UGT2B4: variants seen among roughly 807,000 people sequenced by gnomAD.
UGT2B4 encodes UDP glucuronosyltransferase family 2 member B4.
Under a neutral mutation model 49.8 loss-of-function variants are expected in UGT2B4, and 49 were observed. The observed-to-expected ratio is 0.98, with a 90% CI of 0.78 to 1.25. UGT2B4 has a LOEUF of 1.25. Ranked by LOEUF, UGT2B4 falls within the 50% of genes most tolerant of loss-of-function variation. The pLI, the probability that UGT2B4 is intolerant of heterozygous loss-of-function variation, is 0.00. For synonymous variants in UGT2B4, 246 were observed against 217.7 expected (o/e 1.13, Z -1.14); for missense variants, 729 against 627.7 (o/e 1.16, Z -1.73).
intron 1 of UGT2B4, among the ~76,000 whole-genome samples, chr4:69,512,554 T>A (rs1319136438): frequency 6.6e-6 from 1 of 152,180 alleles, no homozygotes; most frequent in East Asian, 1.9e-4. Flanking sequence ...GCTTTGTGAC[T>A]TAACGTGTAT....
At chr4:69,517,268 T>C (rs1044575947) in intron 1 of UGT2B4, among the ~76,000 whole-genome samples, 5 of 152,154 alleles carry the variant, frequency 3.3e-5, no homozygotes, top group African/African-American at 9.7e-5. Flanking sequence ...CTGGGAAATA[T>C]TTCAATATAA....
At chr4:69,493,932 A>C (rs1728070939) in intron 1 of UGT2B4, 91 bp from the exon 2 acceptor site, 2 of 1,435,690 alleles carry the variant, frequency 1.4e-6, no homozygotes, top group Non-Finnish European at 1.9e-6. Context: ...GTGGGCAAAA[A>C]TGTAGGCAAA....
At chr4:69,510,681 C>A (rs1728583285) in intron 1 of UGT2B4, among the ~76,000 whole-genome samples, 1 of 151,806 alleles carries the variant, frequency 6.6e-6, no homozygotes, top group South Asian at 2.1e-4. Context: ...ATTTTGTATT[C>A]TGCAAATTTA....
At chr4:69,485,049 T>G (rs915847172) in intron 5 of UGT2B4, among the ~76,000 whole-genome samples, 159 bp downstream of exon 5, 2 of 152,158 alleles carry the variant, frequency 1.3e-5, no homozygotes, top group African/African-American at 4.8e-5. Context: ...AAATAAAATT[T>G]TTAAATAACC....
At position 69,493,789 on chromosome 4, in the gene UGT2B4, A is replaced by T. The variant is rs1728064792; in HGVS notation, c.774T>A (p.Ile258=). 6.2e-7 allele frequency: 1 copy of T among 1,609,552 alleles called. No individual in the cohort carries two copies. The highest frequency in any genetic ancestry group is 8.5e-7 in the Non-Finnish European group (1 of 1,178,194). ...ETMAKADIWL[I]RNYWDFQFPH... is the part of the protein sequence containing the mutation. The stretch of plus-strand genomic sequence containing the variant: ...GAAATTGAAAATCCCAGTAGTTTCG[A>T]ATAAGCCATATGTCAGCTTTTGCCA... The change falls in exon 2 of 6, where the codon ATT becomes ATA. Residue 258 remains isoleucine (I), a synonymous_variant. Transcript: ENST00000305107.
intron 5 of UGT2B4, among the ~76,000 whole-genome samples, chr4:69,481,119 A>AAAAAAAT (rs1727578402): frequency 7.5e-6 from 1 of 133,816 alleles, no homozygotes; most frequent in Non-Finnish European, 1.6e-5. Flanking sequence ...AAAAAAAAAG[A>AAAAAAAT]TTACCCAGGC....
chr4:69,501,128 G>C (rs1248096866), intron 1 of UGT2B4, among the ~76,000 whole-genome samples: 2 of 152,100 alleles, frequency 1.3e-5, no homozygotes, highest in African/African-American at 2.4e-5. Context: ...GTGCCTACCG[G>C]GGATGGAGCT....
At chr4:69,499,485 G>A (rs1041161656), upstream of UGT2B4, among the ~76,000 whole-genome samples, 1 of 152,132 alleles carries the variant, frequency 6.6e-6, no homozygotes, top group Non-Finnish European at 1.5e-5. Context: ...CACAATTATT[G>A]TGTGGGAGTC....
intron 1 of UGT2B4, among the ~76,000 whole-genome samples, chr4:69,508,630 A>G (rs1728531631): frequency 6.6e-6 from 1 of 152,184 alleles, no homozygotes; most frequent in South Asian, 2.1e-4. Context: ...GCAGGTCCTT[A>G]TCTGTAAGTG....
At chr4:69,504,978 G>C (rs1163666056) in intron 1 of UGT2B4, among the ~76,000 whole-genome samples, 1 of 152,006 alleles carries the variant, frequency 6.6e-6, no homozygotes, top group East Asian at 1.9e-4. Flanking sequence ...AGCTTTATAA[G>C]TAAAGGAAAA....
chr4:69,492,223 G>A (rs745363939), intron 2 of UGT2B4, among the ~76,000 whole-genome samples: 5 of 151,978 alleles, frequency 3.3e-5, no homozygotes, highest in Non-Finnish European at 5.9e-5. Flanking sequence ...GCTATCCCAG[G>A]AAGCTTTACT....
In UGT2B4 at chr4:69,480,319, G is replaced by A; in HGVS notation, c.*315C>T. ...TGTTTCCATGTACAATGTGTGACAT[G>A]TAGTTAAGCTTAGTAAATTTTTTTT... On this transcript the variant is annotated 3_prime_UTR_variant, in exon 6 of 6. Transcript: ENST00000305107. 1 of 266,662 alleles carries A rather than the reference G, an allele frequency of 3.8e-6. No homozygotes were observed. The highest frequency in any genetic ancestry group is 5.3e-5 in the South Asian group (1 of 18,728). 16.5% of individuals were successfully genotyped at this position (266,662 alleles called of 1,614,324 possible).
intron 1 of UGT2B4, among the ~76,000 whole-genome samples, chr4:69,505,760 C>T (rs1363259810): frequency 6.6e-6 from 1 of 152,120 alleles, no homozygotes; most frequent in East Asian, 1.9e-4. Flanking sequence ...GAAGAATATA[C>T]ATTTTTCTCA....
chr4:69,522,347 A>C (rs75671890), intron 1 of UGT2B4, among the ~76,000 whole-genome samples: 1 of 152,190 alleles, frequency 6.6e-6, no homozygotes, highest in South Asian at 2.1e-4. Context: ...GTTAGGTGGG[A>C]GGTAACAAAC....
intron 1 of UGT2B4, among the ~76,000 whole-genome samples, chr4:69,515,149 A>T (rs1227731077): frequency 6.6e-6 from 1 of 152,210 alleles, no homozygotes; most frequent in African/African-American, 2.4e-5. Context: ...AAGGGCCTTA[A>T]CTTAACTTTG....
chr4:69,484,236 A>C (rs1727698420), intron 5 of UGT2B4, among the ~76,000 whole-genome samples: 1 of 152,208 alleles, frequency 6.6e-6, no homozygotes, highest in Non-Finnish European at 1.5e-5. Flanking sequence ...TTTGGAAAAC[A>C]GTTTGGCAAT....
intron 5 of UGT2B4, 57 bp from the exon 6 acceptor site, chr4:69,480,967 G>T: frequency 6.3e-7 from 1 of 1,579,616 alleles, no homozygotes; most frequent in Non-Finnish European, 8.6e-7. Flanking sequence ...GGCCAGGCAC[G>T]GAGGCTCACA....
intron 5 of UGT2B4, among the ~76,000 whole-genome samples, chr4:69,481,253 G>A (rs944027605): frequency 6.6e-6 from 1 of 152,072 alleles, no homozygotes; most frequent in Non-Finnish European, 1.5e-5. Context: ...TGGTGACAGA[G>A]TGAGACTTCC....
At chr4:69,524,418 G>C (rs1335641266) in intron 1 of UGT2B4, among the ~76,000 whole-genome samples, 5 of 151,814 alleles carry the variant, frequency 3.3e-5, no homozygotes, top group African/African-American at 4.8e-5. Context: ...GGAGAGAGAT[G>C]GGAAAAAGTG....
Sources: allele counts gnomAD v4.1 joint callset (sites outside exome capture counted in the v4.1 genomes callset), GRCh38; gene constraint gnomAD v4.1.1; transcripts MANE v1.5; gene names NCBI Gene and HGNC (gene_info 2026-07-23, HGNC 2026-07-21).